Variants in DKK3 observed in about 807,000 individuals in gnomAD.
The protein encoded by DKK3 is dickkopf-related protein 3.
DKK3 carries 22 observed loss-of-function variants against 33.2 expected under a neutral mutation model. That is an observed-to-expected ratio of 0.66 (90% CI 0.47 to 0.95). The LOEUF is 0.95. DKK3 is among the 40% of genes least tolerant of loss of function. The pLI is 0.00. For missense variants in DKK3, 398 were observed against 458.4 expected, an observed-to-expected ratio of 0.87 and a Z score of 1.20; for synonymous variants, 194 against 188.8, an observed-to-expected ratio of 1.03 and a Z score of -0.23.
Position 11,963,554 on chromosome 11 carries a change from A to G in DKK3, c.*910T>C, listed in dbSNP as rs1847508221. ...TCTTCATTAGAAGGACGGCTGCCCC[A>G]CACTGTGAGAACACTGCTGTTCCTA... On this transcript the variant is annotated 3_prime_UTR_variant, in exon 7 of 7. Transcript: ENST00000683431. 6.6e-6 allele frequency: 1 copy of G among 152,202 alleles called. No individual in the cohort carries two copies. Among genetic ancestry groups the G allele is most frequent in the Non-Finnish European group, 1.5e-5 (1 of 68,036 alleles). 9.4% of individuals were successfully genotyped at this position (152,202 alleles called of 1,614,324 possible). A position where few individuals can be genotyped will look rare whatever the true frequency, so the allele number is the denominator to read the frequency against.
chr11:12,009,631 G>C (rs2133345685), upstream of DKK3: 1 of 985,698 alleles, frequency 1.0e-6, no homozygotes, highest in East Asian at 1.1e-4. Context: ...ATGTTCCTCA[G>C]TCCCACCTTG....
chr11:11,998,270 G>A, intron 3 of DKK3: 1 of 246,342 alleles, frequency 4.1e-6, no homozygotes, highest in Non-Finnish European at 7.8e-6. Flanking sequence ...TTCCCTTTAG[G>A]CCATTGGGCT....
At chr11:11,965,474 C>T (rs907599412) in intron 6 of DKK3, among the ~76,000 whole-genome samples, 1 of 152,198 alleles carries the variant, frequency 6.6e-6, no homozygotes, top group African/African-American at 2.4e-5. Flanking sequence ...TCTGCCAGCT[C>T]CTTTTTCTCT....
chr11:11,974,457 G>T (rs1480216038), intron 3 of DKK3, among the ~76,000 whole-genome samples: 1 of 152,152 alleles, frequency 6.6e-6, no homozygotes, highest in African/African-American at 2.4e-5. Context: ...GCCAGCATCT[G>T]GTGAGGGCCT....
At chr11:11,975,634 G>A (rs955292831) in intron 3 of DKK3, among the ~76,000 whole-genome samples, 5 of 152,206 alleles carry the variant, frequency 3.3e-5, no homozygotes, top group African/African-American at 9.6e-5. Context: ...CTGGTAAAGA[G>A]TCAGCAGTGT....
chr11:11,968,587 AC>A, intron 3 of DKK3, 100 bp from the exon 4 acceptor site: 1 of 1,173,848 alleles, frequency 8.5e-7, no homozygotes, highest in Non-Finnish European at 1.2e-6. Context: ...CCCATTCTTG[AC>A]CCCACAGGCT....
chr11:11,979,943 A>G (rs936454520), intron 3 of DKK3: 30 of 152,266 alleles, frequency 2.0e-4, no homozygotes, highest in African/African-American at 7.0e-4. Context: ...GTCAGCCCGC[A>G]TCTGTGATTC....
intron 1 of DKK3, among the ~76,000 whole-genome samples, chr11:12,004,984 AGC>A (rs751320910): frequency 2.6e-5 from 4 of 152,354 alleles, no homozygotes; most frequent in Non-Finnish European, 5.9e-5. Flanking sequence ...TTTCCTTAAA[AGC>A]AAGAGACCTT....
In DKK3 at chr11:11,963,396, A is replaced by G. The variant is rs976620486; in HGVS notation, c.*1068T>C. 4.2e-4 allele frequency: 64 copies of G among 152,180 alleles called. No homozygotes were observed. The highest frequency in any genetic ancestry group is 1.4e-3 in the African/African-American group (60 of 41,436). The allele number at this position is 152,180 out of a possible 1,614,324, so 9.4% of individuals were successfully genotyped here. On this transcript the variant is annotated 3_prime_UTR_variant, in exon 7 of 7. Transcript: ENST00000683431. ...CAGTTGCTGCTAAGTGATTTTGCAA[A>G]TTTCATTTATAATCCTCGCCCTACA...
chr11:11,984,516 G>A (rs541761612), intron 3 of DKK3, among the ~76,000 whole-genome samples: 5 of 152,206 alleles, frequency 3.3e-5, no homozygotes, highest in Admixed American at 1.3e-4. Context: ...AAATAAAAAC[G>A]CATTACTTTT....
intron 3 of DKK3, among the ~76,000 whole-genome samples, chr11:11,984,282 G>C (rs1321931421): frequency 6.6e-6 from 1 of 152,114 alleles, no homozygotes; most frequent in Admixed American, 6.5e-5. Context: ...GTATTTTATG[G>C]GCTTCTTATG....
chr11:12,004,955 G>C (rs1366761345), intron 1 of DKK3, among the ~76,000 whole-genome samples: 1 of 152,194 alleles, frequency 6.6e-6, no homozygotes, highest in Admixed American at 6.5e-5. Flanking sequence ...ATAGAAGACA[G>C]AATGGGCAAG....
chr11:12,001,952 T>C (rs537835284), intron 2 of DKK3: 44 of 183,092 alleles, frequency 2.4e-4, no homozygotes, highest in African/African-American at 9.4e-4. Flanking sequence ...TAAAAACCTA[T>C]GAGATAGATC....
chr11:11,963,502 C>T lies in DKK3; in HGVS notation c.*962G>A, dbSNP rs1847506490. 6.6e-6 allele frequency: 1 copy of T among 152,196 alleles called. No individual in the cohort carries two copies. Among genetic ancestry groups the T allele is most frequent in the East Asian group, 1.9e-4 (1 of 5,206 alleles). 9.4% of individuals were successfully genotyped at this position (152,196 alleles called of 1,614,324 possible). A position where few individuals can be genotyped will look rare whatever the true frequency, so the allele number is the denominator to read the frequency against. On this transcript the variant is annotated 3_prime_UTR_variant, in exon 7 of 7. Transcript: ENST00000683431. ...CTTTCAAAGTTACTAATGCAACTGC[C>T]AAAGAGGGACAGTGTCAATATCATT...
Position 11,979,552 on chromosome 11 carries a change from C to A in DKK3, c.436-11065G>T, listed in dbSNP as rs542264089. ...TCTACCCTCCTGAGAAGTCTCTATT[C>A]CTGCCCAGCTCCTGCTAAGGCCAGG... On this transcript the variant is annotated intron_variant, in intron 3 of 6. Transcript: ENST00000683431. 3.3e-5 allele frequency: 5 copies of A among 152,396 alleles called. No individual in the cohort carries two copies. In the East Asian group the frequency reaches 9.6e-4, roughly 29 times the overall value. The allele number at this position is 152,396 out of a possible 1,614,324, so 9.4% of individuals were successfully genotyped here.
chr11:11,986,528 G>T (rs1023424699), intron 3 of DKK3, among the ~76,000 whole-genome samples: 2 of 152,130 alleles, frequency 1.3e-5, no homozygotes, highest in Admixed American at 6.5e-5. Context: ...TTGTCCTTTT[G>T]TGATGTTGGT....
At chr11:11,999,519 G>A (rs1353928982) in intron 2 of DKK3, among the ~76,000 whole-genome samples, 2 of 152,212 alleles carry the variant, frequency 1.3e-5, no homozygotes, top group Admixed American at 6.5e-5. Flanking sequence ...CAGCTACTCG[G>A]GAGGCTGAGG....
At chr11:12,001,923 AT>A (rs1409530369) in intron 2 of DKK3, 1 of 162,158 alleles carries the variant, frequency 6.2e-6, no homozygotes, top group African/African-American at 2.4e-5. Flanking sequence ...CTCTAGTTCA[AT>A]CCCTACTGAG....
At chr11:11,977,776 T>G (rs953636800) in intron 3 of DKK3, among the ~76,000 whole-genome samples, 8 of 152,118 alleles carry the variant, frequency 5.3e-5, no homozygotes, top group Non-Finnish European at 1.2e-4. Context: ...CACTGACAAG[T>G]CCAGCAGCAC....
Sources: allele counts gnomAD v4.1 joint callset (sites outside exome capture counted in the v4.1 genomes callset), GRCh38; gene constraint gnomAD v4.1.1; transcripts MANE v1.5; gene names NCBI Gene and HGNC (gene_info 2026-07-23, HGNC 2026-07-21).